The following AKAP3 variants were observed in gnomAD, a reference collection of about 807,000 sequenced individuals.
AKAP3 encodes A-kinase anchor protein 3.
A neutral mutation model predicts 57.2 loss-of-function variants in AKAP3; 27 were observed. That is an observed-to-expected ratio of 0.47 (90% CI 0.35 to 0.65). The LOEUF (loss-of-function observed/expected upper bound fraction) is 0.65. Ranked by LOEUF, AKAP3 falls within the 30% of genes least tolerant of loss-of-function variation. The probability of loss-of-function intolerance (pLI) is 0.01; values close to 1 mark genes in which losing one functional copy is unlikely to be tolerated. For synonymous variants in AKAP3, 334 were observed against 392.3 expected, an observed-to-expected ratio of 0.85 and a Z score of 1.76; for missense variants, 959 against 1,040.0, an observed-to-expected ratio of 0.92 and a Z score of 1.07.
intron 4 of AKAP3, among the ~76,000 whole-genome samples, chr12:4,633,338 T>A (rs1361993421): frequency 6.6e-6 from 1 of 151,910 alleles, no homozygotes; most frequent in Non-Finnish European, 1.5e-5. Context: ...AGAATAGAGA[T>A]TTACAATGGA....
intron 4 of AKAP3, chr12:4,635,547 C>T (rs1438803757): frequency 1.7e-5 from 12 of 703,394 alleles, no homozygotes; most frequent in Non-Finnish European, 2.6e-5. Context: ...TAGGACTGTG[C>T]TTCCTGGAAA....
At chr12:4,617,835 A>G (rs1380785078) in intron 5 of AKAP3, among the ~76,000 whole-genome samples, 1 of 152,202 alleles carries the variant, frequency 6.6e-6, no homozygotes, top group Non-Finnish European at 1.5e-5. Flanking sequence ...TAAATACATA[A>G]AGCAACTCAA....
chr12:4,632,416 A>G (rs889736188), intron 4 of AKAP3, among the ~76,000 whole-genome samples: 6 of 152,122 alleles, frequency 3.9e-5, no homozygotes, highest in African/African-American at 1.4e-4. Flanking sequence ...ATATAGAAAG[A>G]GTGTATATTC....
intron 2 of AKAP3, among the ~76,000 whole-genome samples, chr12:4,643,356 A>G (rs1157813511): frequency 1.3e-5 from 2 of 152,200 alleles, no homozygotes; most frequent in African/African-American, 4.8e-5. Context: ...AGTGGAAAAG[A>G]AGGAAGATCT....
intron 4 of AKAP3, among the ~76,000 whole-genome samples, chr12:4,637,462 G>T (rs971377145): frequency 6.6e-6 from 1 of 152,164 alleles, no homozygotes; most frequent in Admixed American, 6.5e-5. Flanking sequence ...CAGCCTGGGG[G>T]TAGTAGCTGC....
intron 4 of AKAP3, among the ~76,000 whole-genome samples, chr12:4,635,131 C>T (rs549970766): frequency 1.3e-5 from 2 of 152,242 alleles, no homozygotes; most frequent in East Asian, 3.9e-4. Flanking sequence ...ACACAGTTCT[C>T]ATTTTTCCCT....
intron 4 of AKAP3, among the ~76,000 whole-genome samples, chr12:4,636,466 C>T (rs1945567123): frequency 6.6e-6 from 1 of 152,160 alleles, no homozygotes; most frequent in South Asian, 2.1e-4. Context: ...TTTTGTTTCT[C>T]ACTTAGTAAA....
At chr12:4,629,465 C>A (rs1340175809) in intron 4 of AKAP3, among the ~76,000 whole-genome samples, 1 of 152,110 alleles carries the variant, frequency 6.6e-6, no homozygotes, top group African/African-American at 2.4e-5. Flanking sequence ...ACAACACACA[C>A]TGGGGCCTTT....
At chr12:4,638,871 C>T (rs61911369) in intron 3 of AKAP3, among the ~76,000 whole-genome samples, 3,473 of 152,266 alleles carry the variant, frequency 0.023, 50 homozygotes, top group Non-Finnish European at 0.027. Context: ...TGAATTCGTT[C>T]ACAACCTTCC....
chr12:4,637,172 T>C (rs565627599), intron 4 of AKAP3, among the ~76,000 whole-genome samples: 1 of 152,362 alleles, frequency 6.6e-6, no homozygotes, highest in East Asian at 1.9e-4. Context: ...ACAGTGTCTG[T>C]GCCAGTTATT....
intron 5 of AKAP3, among the ~76,000 whole-genome samples, chr12:4,624,134 G>C (rs1945379142): frequency 6.6e-6 from 1 of 152,034 alleles, no homozygotes. Context: ...GTGCAGAATA[G>C]TGGCAACTGA....
intron 4 of AKAP3, among the ~76,000 whole-genome samples, 182 bp from the exon 5 acceptor site, chr12:4,628,987 C>A (rs149796240): frequency 6.6e-6 from 1 of 152,300 alleles, no homozygotes; most frequent in Admixed American, 6.5e-5. Flanking sequence ...TATTTAAAGT[C>A]TATTATCTCA....
intron 5 of AKAP3, among the ~76,000 whole-genome samples, chr12:4,620,168 T>C (rs932971246): frequency 3.3e-5 from 5 of 152,086 alleles, no homozygotes; most frequent in Admixed American, 3.3e-4. Context: ...TGGCACAGAA[T>C]AGAAAGTTTA....
chr12:4,638,393 A>G (rs946792652), intron 3 of AKAP3, among the ~76,000 whole-genome samples, 197 bp from the exon 4 acceptor site: 16 of 152,318 alleles, frequency 1.1e-4, no homozygotes, highest in African/African-American at 3.8e-4. Context: ...AATATTTCTT[A>G]AACATATTTG....
Position 4,628,475 on chromosome 12 carries a change from T to A in AKAP3, c.427A>T (p.Ile143Phe). Residue 143 changes from isoleucine to phenylalanine, a missense_variant, in exon 5 of 6, where the codon ATC becomes TTC. Coordinates refer to ENST00000228850, the MANE Select transcript of AKAP3 (RefSeq NM_001278309.2). ...NLVIAMARKE[I>F]NEKIDGSENK... Reference sequence around the variant, plus strand: ...TCAGAGCCATCGATCTTCTCATTGATCTCTTTGCGGGCCATGGCTATGACT... The same window carrying A: ...TCAGAGCCATCGATCTTCTCATTGAACTCTTTGCGGGCCATGGCTATGACT... The A allele has an allele frequency of 1.2e-6, 2 of 1,614,208 alleles. No individual in the cohort carries two copies. The highest frequency in any genetic ancestry group is 1.7e-6 in the Non-Finnish European group (2 of 1,180,034).
intron 5 of AKAP3, among the ~76,000 whole-genome samples, chr12:4,620,341 T>C (rs1945331188): frequency 1.3e-5 from 2 of 151,304 alleles, no homozygotes; most frequent in South Asian, 4.2e-4. Context: ...AGTACAAAAA[T>C]TACAGTGCAC....
At position 4,627,406 on chromosome 12, in the gene AKAP3, T is replaced by G; in HGVS notation, c.1496A>C (p.Asp499Ala). Residue 499 changes from aspartate (D) to alanine (A), a missense_variant, in exon 5 of 6, where the codon GAT becomes GCT. Coordinates refer to ENST00000228850, the MANE Select transcript of AKAP3 (RefSeq NM_001278309.2). The stretch of plus-strand genomic sequence containing the variant: ...TGGAGGAAGGCTGAGGTTGCCAATA[T>G]CTTCAGGGTACTCAAAGGAAATGTC... The part of the protein sequence containing the change: ...ASDISFEYPE[D>A]IGNLSLPPYP... 1 of 1,613,974 alleles carries G rather than the reference T, an allele frequency of 6.2e-7. No homozygotes were observed. The highest frequency in any genetic ancestry group is 8.5e-7 in the Non-Finnish European group (1 of 1,179,982).
At chr12:4,646,549 G>A (rs751904015) in intron 1 of AKAP3, among the ~76,000 whole-genome samples, 1 of 152,032 alleles carries the variant, frequency 6.6e-6, no homozygotes, top group Non-Finnish European at 1.5e-5. Context: ...GTACACGCTT[G>A]TAATGCCAGC....
intron 5 of AKAP3, among the ~76,000 whole-genome samples, chr12:4,617,582 A>G (rs10744656): frequency 0.98 from 149,422 of 152,200 alleles, 73,422 homozygotes; most frequent in Middle Eastern, 1. Context: ...GCAAAACCCC[A>G]TCTCTACTAA....
Sources: allele counts gnomAD v4.1 joint callset (sites outside exome capture counted in the v4.1 genomes callset), GRCh38; gene constraint gnomAD v4.1.1; transcripts MANE v1.5; gene names NCBI Gene and HGNC (gene_info 2026-07-23, HGNC 2026-07-21).